The following PRDM16 variants were observed in gnomAD, a reference collection of about 807,000 sequenced individuals.
PRDM16 encodes PR/SET domain 16.
PRDM16 carries 23 observed loss-of-function variants against 110.6 expected under a neutral mutation model. That is an observed-to-expected ratio of 0.21 (90% CI 0.15 to 0.29). The LOEUF is 0.29. Ranked by LOEUF, PRDM16 falls within the 10% of genes least tolerant of loss-of-function variation. The pLI is 1.00. For missense variants in PRDM16, 1,615 were observed against 1,794.3 expected, an observed-to-expected ratio of 0.90 and a Z score of 1.81; for synonymous variants, 799 against 781.8, an observed-to-expected ratio of 1.02 and a Z score of -0.37.
At chr1:3,418,106 A>G in intron 11 of PRDM16, 109 bp downstream of exon 11, 2 of 915,504 alleles carry the variant, frequency 2.2e-6, no homozygotes, top group Non-Finnish European at 3.3e-6. Context: ...GGCCATAGGA[A>G]AGCACAGCAC....
chr1:3,091,763 C>CG (rs1346276937), intron 1 of PRDM16, among the ~76,000 whole-genome samples: 1 of 152,114 alleles, frequency 6.6e-6, no homozygotes, highest in Non-Finnish European at 1.5e-5. Flanking sequence ...GTCGTGAGCT[C>CG]GGGGTGTAGC....
intron 2 of PRDM16, among the ~76,000 whole-genome samples, chr1:3,238,336 C>T (rs189963183): frequency 1.2e-3 from 181 of 152,178 alleles, no homozygotes; most frequent in African/African-American, 3.8e-3. Flanking sequence ...TTTTCTGTGC[C>T]GTACTTGACT....
chr1:3,216,014 C>G, intron 2 of PRDM16, among the ~76,000 whole-genome samples: 1 of 152,172 alleles, frequency 6.6e-6, no homozygotes, highest in East Asian at 1.9e-4. Flanking sequence ...AATAAATACT[C>G]GGCAATGATA....
At chr1:3,303,136 C>T (rs1570027727) in intron 3 of PRDM16, among the ~76,000 whole-genome samples, 1 of 152,034 alleles carries the variant, frequency 6.6e-6, no homozygotes, top group African/African-American at 2.4e-5. Flanking sequence ...AGTTTTTGGT[C>T]ACAGAGTGGC....
intron 1 of PRDM16, among the ~76,000 whole-genome samples, chr1:3,183,565 C>G (rs1407231871): frequency 6.6e-6 from 1 of 152,242 alleles, no homozygotes; most frequent in East Asian, 1.9e-4. Flanking sequence ...TGGGCAATCG[C>G]TTAACCCCGT....
intron 9 of PRDM16, 141 bp from the exon 10 acceptor site, chr1:3,414,419 G>A (rs1488088999): frequency 1.5e-6 from 1 of 653,172 alleles, no homozygotes. Context: ...GTGAGCGTTG[G>A]GGCAGCCACG....
intron 1 of PRDM16, among the ~76,000 whole-genome samples, chr1:3,137,171 G>A (rs1322656224): frequency 1.3e-5 from 2 of 152,212 alleles, no homozygotes; most frequent in South Asian, 2.1e-4. Context: ...GGCTGCCTCC[G>A]GCATCCCCTC....
intron 1 of PRDM16, among the ~76,000 whole-genome samples, chr1:3,145,292 C>T (rs772797690): frequency 6.6e-5 from 10 of 152,202 alleles, no homozygotes; most frequent in African/African-American, 9.6e-5. Context: ...CCTGTCAGCC[C>T]GTAAACCATT....
chr1:3,411,703 G>A lies in PRDM16; in HGVS notation c.1506G>A (p.Thr502=), dbSNP rs375543158. The A allele has an allele frequency of 1.1e-5, 17 of 1,610,022 alleles. No individual in the cohort carries two copies. Among genetic ancestry groups the A allele is most frequent in the South Asian group, 2.2e-5 (2 of 90,608 alleles). The change falls in exon 9 of 17, where the codon ACG becomes ACA. Residue 502 remains threonine (T), a synonymous_variant. Coordinates refer to ENST00000270722, the MANE Select transcript of PRDM16 (RefSeq NM_022114.4). ...RPHPGSLPFS[T]APPTFPALTP... is the part of the protein sequence containing the mutation. ...ACCCGGGGAGCCTGCCCTTCTCCAC[G>A]GCGCCTCCCACGTTCCCCGCACTCA...
chr1:3,304,382 C>G (rs1191103613), intron 3 of PRDM16, among the ~76,000 whole-genome samples: 1 of 152,242 alleles, frequency 6.6e-6, no homozygotes, highest in African/African-American at 2.4e-5. Context: ...ATCTTCCAGT[C>G]AGCTTTCCCT....
intron 1 of PRDM16, among the ~76,000 whole-genome samples, chr1:3,100,494 G>C (rs1358224418): frequency 2.0e-5 from 3 of 152,180 alleles, no homozygotes; most frequent in Non-Finnish European, 2.9e-5. Flanking sequence ...TGGAGCCCCT[G>C]CAGAACCTCC....
chr1:3,272,193 G>T (rs192439775), intron 3 of PRDM16, among the ~76,000 whole-genome samples: 4 of 152,212 alleles, frequency 2.6e-5, no homozygotes, highest in Non-Finnish European at 4.4e-5. Flanking sequence ...CTCTCAGACC[G>T]GATCCTGCTC....
chr1:3,299,998 G>A (rs376746561), intron 3 of PRDM16, among the ~76,000 whole-genome samples: 8 of 73,532 alleles, frequency 1.1e-4, no homozygotes, highest in East Asian at 1.5e-3. Context: ...AGTCATGGTG[G>A]CTCTGCCCTT....
At chr1:3,273,976 T>TAAAAAAA (rs927412647) in intron 3 of PRDM16, among the ~76,000 whole-genome samples, 3 of 68,542 alleles carry the variant, frequency 4.4e-5, no homozygotes, top group African/African-American at 9.5e-5. Context: ...TATGGGGAGG[T>TAAAAAAA]AAAAAAAAAA....
chr1:3,097,434 G>A (rs554963430), intron 1 of PRDM16, among the ~76,000 whole-genome samples: 35 of 152,346 alleles, frequency 2.3e-4, no homozygotes, highest in Admixed American at 4.6e-4. Context: ...CTGCCGCCCC[G>A]TGCCCTGACC....
intron 3 of PRDM16, among the ~76,000 whole-genome samples, chr1:3,327,579 C>G (rs879578291): frequency 5.3e-5 from 8 of 152,242 alleles, no homozygotes; most frequent in Non-Finnish European, 1.2e-4. Flanking sequence ...CAGAGCGTAT[C>G]AGCCGCTGCA....
At chr1:3,130,068 C>T (rs1643302332) in intron 1 of PRDM16, among the ~76,000 whole-genome samples, 2 of 152,152 alleles carry the variant, frequency 1.3e-5, no homozygotes, top group African/African-American at 4.8e-5. Context: ...GTGGAGACCC[C>T]CTGGGCAGAC....
At chr1:3,394,374 C>T (rs1321878898) in intron 4 of PRDM16, 2 of 441,874 alleles carry the variant, frequency 4.5e-6, no homozygotes, top group Non-Finnish European at 4.5e-6. Context: ...CCGCCCAGCC[C>T]CCGTCCGCCC....
At chr1:3,182,986 T>C (rs901047063) in intron 1 of PRDM16, among the ~76,000 whole-genome samples, 2 of 152,196 alleles carry the variant, frequency 1.3e-5, no homozygotes, top group Non-Finnish European at 2.9e-5. Flanking sequence ...ATAGAAATTC[T>C]AGAAATGATG....
Sources: allele counts gnomAD v4.1 joint callset (sites outside exome capture counted in the v4.1 genomes callset), GRCh38; gene constraint gnomAD v4.1.1; transcripts MANE v1.5; gene names NCBI Gene and HGNC (gene_info 2026-07-23, HGNC 2026-07-21).